Variants in LYN observed in about 807,000 individuals in gnomAD.
LYN encodes the protein LYN proto-oncogene, Src family tyrosine kinase.
Under a neutral mutation model 65.0 loss-of-function variants are expected in LYN, and 12 were observed. That is an observed-to-expected ratio of 0.18 (90% confidence interval 0.12 to 0.30). The LOEUF is 0.30. LYN is among the 10% of genes least tolerant of loss of function. The pLI is 1.00. For missense variants in LYN, 380 were observed against 623.2 expected, an observed-to-expected ratio of 0.61 and a Z score of 4.16; for synonymous variants, 222 against 221.2, an observed-to-expected ratio of 1.00 and a Z score of -0.03.
intron 1 of LYN, among the ~76,000 whole-genome samples, chr8:55,912,726 G>GAAAAAAAAAAAAA (rs11366178): frequency 1.4e-5 from 1 of 73,678 alleles, no homozygotes. Context: ...GACTCCATCT[G>GAAAAAAAAAAAAA]AAAAAAAAAA....
intron 10 of LYN, among the ~76,000 whole-genome samples, chr8:55,977,093 G>A (rs1807776990): frequency 6.6e-6 from 1 of 152,110 alleles, no homozygotes; most frequent in Non-Finnish European, 1.5e-5. Context: ...GCTTAGGCAG[G>A]AGAATCGCTT....
chr8:55,957,309 AT>A (rs1207694847), intron 8 of LYN, among the ~76,000 whole-genome samples: 6 of 152,108 alleles, frequency 3.9e-5, no homozygotes, highest in Non-Finnish European at 5.9e-5. Context: ...ATTGGAAGCT[AT>A]ATTTTGGTGT....
intron 2 of LYN, among the ~76,000 whole-genome samples, chr8:55,942,197 A>G (rs1237177451): frequency 6.6e-6 from 1 of 151,868 alleles, no homozygotes; most frequent in African/African-American, 2.4e-5. Context: ...GTGCAATTAA[A>G]AGGGCCTTTG....
chr8:55,932,506 C>T (rs1585612093), intron 1 of LYN, among the ~76,000 whole-genome samples: 1 of 152,218 alleles, frequency 6.6e-6, no homozygotes, highest in East Asian at 1.9e-4. Flanking sequence ...ACAGCAACCT[C>T]CACCTCTCAA....
chr8:55,903,826 C>A (rs916522883), intron 1 of LYN, among the ~76,000 whole-genome samples: 17 of 152,054 alleles, frequency 1.1e-4, no homozygotes, highest in African/African-American at 3.4e-4. Flanking sequence ...CCAGCCTGGG[C>A]AACATAGAGA....
At chr8:55,957,008 C>T (rs892189628) in intron 8 of LYN, among the ~76,000 whole-genome samples, 4 of 152,142 alleles carry the variant, frequency 2.6e-5, no homozygotes, top group East Asian at 1.9e-4. Flanking sequence ...TGTGATCATT[C>T]GATAAACAAC....
intron 1 of LYN, among the ~76,000 whole-genome samples, chr8:55,917,403 T>C (rs1805809462): frequency 1.3e-5 from 2 of 152,154 alleles, no homozygotes; most frequent in Admixed American, 6.5e-5. Context: ...AGGCTGGTCT[T>C]GAACTTTTGG....
chr8:55,985,523 A>G (rs1237266337), intron 10 of LYN, among the ~76,000 whole-genome samples: 3 of 152,236 alleles, frequency 2.0e-5, no homozygotes, highest in African/African-American at 4.8e-5. Flanking sequence ...CACAGGACAA[A>G]TAAGTCAGGG....
chr8:55,995,311 G>T (rs144054343), intron 10 of LYN, among the ~76,000 whole-genome samples: 95 of 152,264 alleles, frequency 6.2e-4, no homozygotes, highest in South Asian at 3.9e-3. Context: ...TCTTTTCCAG[G>T]GTCAGGTAAA....
rs576126524 is a variant in LYN, at chr8:55,990,132, A to C, written c.1051-8214A>C. Reference sequence around the variant, plus strand: ...CGGACACCTGTAGTCCCAGCTACTCAGGAGACTGAGGCAGGAGAATCGCTT... The same window carrying C: ...CGGACACCTGTAGTCCCAGCTACTCCGGAGACTGAGGCAGGAGAATCGCTT... On this transcript the variant is annotated intron_variant, in intron 10 of 12. Coordinates refer to ENST00000519728, the MANE Select transcript of LYN (RefSeq NM_002350.4). 9.3e-5 allele frequency among the ~76,000 whole-genome samples: 14 copies of C among 150,312 alleles called. No homozygotes were observed. In the East Asian group the frequency reaches 2.7e-3, roughly 29 times the overall value.
chr8:55,971,520 A>G lies in LYN; in HGVS notation c.1050+1727A>G, dbSNP rs1466322763. 5.3e-5 allele frequency among the ~76,000 whole-genome samples: 8 copies of G among 152,372 alleles called. No individual in the cohort carries two copies. In the East Asian group the frequency reaches 9.6e-4, roughly 18 times the overall value. ...AGGTTTGTCACACTTGTACAGGGCT[A>G]TGGAACATCGGGACACATGGCCTGG... On this transcript the variant is annotated intron_variant, in intron 10 of 12. Coordinates refer to ENST00000519728, the MANE Select transcript of LYN (RefSeq NM_002350.4).
intron 1 of LYN, among the ~76,000 whole-genome samples, chr8:55,925,500 C>G (rs1297131142): frequency 1.3e-5 from 2 of 152,170 alleles, no homozygotes; most frequent in African/African-American, 2.4e-5. Context: ...TATTGCCTGG[C>G]TTTTGACCTT....
Position 55,986,363 on chromosome 8 carries a change from A to G in LYN, c.1051-11983A>G, listed in dbSNP as rs149381655. Among the ~76,000 whole-genome samples, 1,424 of 152,290 alleles carry G rather than the reference A, an allele frequency of 9.4e-3. 12 individuals are homozygous for G. Among genetic ancestry groups the G allele is most frequent in the Non-Finnish European group, 0.013 (854 of 68,022 alleles). On this transcript the variant is annotated intron_variant, in intron 10 of 12. Transcript: ENST00000519728. ...TTGTTATTTTCTGGGTTTTGATAAT[A>G]TCTATCTTCGGGGTAGTACAGTGAG...
intron 1 of LYN, among the ~76,000 whole-genome samples, chr8:55,924,190 T>G (rs1333236180): frequency 6.6e-6 from 1 of 152,074 alleles, no homozygotes; most frequent in Non-Finnish European, 1.5e-5. Flanking sequence ...TCTCACGATG[T>G]GTGAGAGATG....
chr8:55,896,560 C>T (rs149941403), intron 1 of LYN, among the ~76,000 whole-genome samples: 61 of 151,910 alleles, frequency 4.0e-4, no homozygotes, highest in African/African-American at 1.3e-3. Context: ...ATGTAGATGA[C>T]GGGATGGTGG....
At chr8:55,934,016 A>G (rs1360444333) in intron 1 of LYN, among the ~76,000 whole-genome samples, 2 of 152,210 alleles carry the variant, frequency 1.3e-5, no homozygotes, top group African/African-American at 4.8e-5. Flanking sequence ...TCACAAGGTC[A>G]GGAGTTCGAG....
chr8:55,948,485 C>T (rs1321678064), intron 4 of LYN, among the ~76,000 whole-genome samples: 4 of 152,180 alleles, frequency 2.6e-5, no homozygotes, highest in Admixed American at 1.3e-4. Context: ...TTTGTGAGGA[C>T]GCCTGAGTGT....
intron 1 of LYN, among the ~76,000 whole-genome samples, chr8:55,918,660 G>A (rs571816365): frequency 3.0e-4 from 45 of 152,274 alleles, no homozygotes; most frequent in African/African-American, 1.0e-3. Flanking sequence ...GGGTTGTCTC[G>A]GTTAATCCTT....
chr8:55,892,701 C>T (rs1042941670), intron 1 of LYN, among the ~76,000 whole-genome samples: 9 of 152,024 alleles, frequency 5.9e-5, no homozygotes, highest in African/African-American at 1.7e-4. Context: ...AGCCATTGTG[C>T]CTTGCCAAAG....
Sources: gnomAD v4.1 joint callset for allele counts (sites outside exome capture counted in the v4.1 genomes callset) on GRCh38, gnomAD v4.1.1 for gene constraint, MANE v1.5 for transcripts, NCBI Gene and HGNC (gene_info 2026-07-23, HGNC 2026-07-21) for gene names.